The following C1orf216 variants were observed in gnomAD, a reference collection of about 807,000 sequenced individuals.
The protein encoded by C1orf216 is UPF0500 protein C1orf216.
In C1orf216, 18 loss-of-function variants were observed where a neutral mutation model predicts 16.4. That is an observed-to-expected ratio of 1.10 (90% CI 0.76 to 1.63). The LOEUF (loss-of-function observed/expected upper bound fraction) is 1.63. Among genes scored for constraint, C1orf216 ranks in the 40% most tolerant of loss-of-function variants. C1orf216 has a pLI of 0.00. For missense variants in C1orf216, 271 were observed against 297.6 expected (o/e 0.91, Z 0.66); for synonymous variants, 115 against 116.9 (o/e 0.98, Z 0.11).
At chr1:35,716,549 C>G in intron 1 of C1orf216, 1 of 564,598 alleles carries the variant, frequency 1.8e-6, no homozygotes, top group East Asian at 3.0e-5. Context: ...GTCCTCAGAG[C>G]CAGGCTGTCT....
At chr1:35,718,166 T>C (rs1266081519) in intron 1 of C1orf216, among the ~76,000 whole-genome samples, 1 of 152,182 alleles carries the variant, frequency 6.6e-6, no homozygotes, top group African/African-American at 2.4e-5. Flanking sequence ...AATTAGGATT[T>C]GAACTGACAA....
intron 1 of C1orf216, 46 bp downstream of exon 1, chr1:35,718,661 T>A (rs2148603317): frequency 6.6e-6 from 1 of 152,450 alleles, no homozygotes; most frequent in South Asian, 2.1e-4. Flanking sequence ...TTCCCGCGGC[T>A]GAGCCCCAAG....
Position 35,716,330 on chromosome 1 carries a change from T to C in C1orf216, c.-5-4A>G. 6.2e-7 allele frequency: 1 copy of C among 1,604,972 alleles called. No homozygotes were observed. Among genetic ancestry groups the C allele is most frequent in the Non-Finnish European group, 8.5e-7 (1 of 1,175,528 alleles). On this transcript the variant is annotated splice_region_variant and splice_polypyrimidine_tract_variant and intron_variant, in intron 1 of 1. Transcript: ENST00000270815. ...GGCTGGATGGCGAACATCTAGCCTG[T>C]AAAGGGAAAGCAGGAGACCGAGTCA...
Position 35,716,246 on chromosome 1 carries a change from C to A in C1orf216, c.76G>T (p.Glu26Ter). ...GDPPPGLCQP[E>*]LQPDSNSNFM... ...TTGGAGTTGCTGTCTGGTTGGAGCT[C>A]GGGCTGACATAATCCAGGAGGTGGG... Residue 26 changes from glutamate (E) to a stop codon, truncating the protein, a stop_gained, in exon 2 of 2, where the codon GAG (glutamate) becomes TAG (stop). Transcript: ENST00000270815. LOFTEE classifies it high-confidence loss of function. 1 of 1,614,240 alleles carries A rather than the reference C, an allele frequency of 6.2e-7. No individual in the cohort carries two copies. Among genetic ancestry groups the A allele is most frequent in the South Asian group, 1.1e-5 (1 of 91,090 alleles).
chr1:35,716,538 C>T (rs11580984), intron 1 of C1orf216: 431,011 of 578,012 alleles, frequency 0.75, 175,325 homozygotes, highest in Non-Finnish European at 0.87. Flanking sequence ...GTTTTTCCTC[C>T]GTCCTCAGAG....
chr1:35,717,106 C>A (rs1482446566), intron 1 of C1orf216, among the ~76,000 whole-genome samples: 1 of 151,632 alleles, frequency 6.6e-6, no homozygotes, highest in Non-Finnish European at 1.5e-5. Context: ...ATCCTGGGGT[C>A]CTCACTATCC....
rs1256896016 is a variant in C1orf216, at chr1:35,714,483, A to G, written c.*1149T>C. 1 of 152,172 alleles carries G rather than the reference A, an allele frequency of 6.6e-6. No homozygotes were observed. Among genetic ancestry groups the G allele is most frequent in the Non-Finnish European group, 1.5e-5 (1 of 68,050 alleles). The allele number at this position is 152,172 out of a possible 1,614,324, so 9.4% of individuals were successfully genotyped here. A position where few individuals can be genotyped will look rare whatever the true frequency, so the allele number is the denominator to read the frequency against. On this transcript the variant is annotated 3_prime_UTR_variant, in exon 2 of 2. Transcript: ENST00000270815. ...AGGTAGAGGCAGAGACAGGGAAGCG[A>G]TATTTTCCTCATCGGCCTTGGAACA...
chr1:35,718,835 G>A lies in C1orf216; in HGVS notation c.-134C>T, dbSNP rs534059040. On this transcript the variant is annotated 5_prime_UTR_variant, in exon 1 of 2. Coordinates refer to ENST00000270815, the MANE Select transcript of C1orf216 (RefSeq NM_152374.2). ...TCCAGGCGTGGGTGCGGGGCTCCCG[G>A]GCAGCGCGCCCAGCCCCAGTCCCGG... 5.9e-5 allele frequency: 9 copies of A among 152,400 alleles called. No individual in the cohort carries two copies. In the South Asian group the frequency reaches 1.7e-3, roughly 28 times the overall value. The allele number at this position is 152,400 out of a possible 1,614,324, so 9.4% of individuals were successfully genotyped here.
intron 1 of C1orf216, among the ~76,000 whole-genome samples, 164 bp downstream of exon 1, chr1:35,718,543 A>T (rs971720383): frequency 4.6e-5 from 7 of 152,184 alleles, no homozygotes; most frequent in African/African-American, 1.7e-4. Context: ...TCTCCGCCCA[A>T]ACAGGAGGCA....
Position 35,716,220 on chromosome 1 carries a change from G to A in C1orf216, c.102C>T (p.Asn34=). The change falls in exon 2 of 2, where the codon AAC becomes AAT. Residue 34 remains asparagine (N), a synonymous_variant. Transcript: ENST00000270815. ...TAGCATCCTTGGCACTTGCCATGAA[G>A]TTGGAGTTGCTGTCTGGTTGGAGCT... is the stretch of plus-strand genomic sequence containing the variant. ...QPELQPDSNS[N]FMASAKDANE... is the part of the protein sequence containing the mutation. 6.2e-7 allele frequency: 1 copy of A among 1,614,276 alleles called. No individual in the cohort carries two copies. The highest frequency in any genetic ancestry group is 8.5e-7 in the Non-Finnish European group (1 of 1,180,050).
At position 35,716,298 on chromosome 1, in the gene C1orf216, T is replaced by C; in HGVS notation, c.24A>G (p.Leu8=). 1.2e-6 allele frequency: 2 copies of C among 1,613,610 alleles called. No homozygotes were observed. The highest frequency in any genetic ancestry group is 1.7e-6 in the Non-Finnish European group (2 of 1,179,702). MFAIQPG[L]AEGGQFLGDP... is the part of the protein sequence containing the mutation. Reference sequence around the variant, plus strand: ...CCCCCAGGAATTGGCCCCCCTCAGCTAGCCCTGGCTGGATGGCGAACATCT... The same window carrying C: ...CCCCCAGGAATTGGCCCCCCTCAGCCAGCCCTGGCTGGATGGCGAACATCT... The change falls in exon 2 of 2, where the codon CTA becomes CTG. Residue 8 remains leucine, a synonymous_variant. Coordinates refer to ENST00000270815, the MANE Select transcript of C1orf216 (RefSeq NM_152374.2).
At position 35,716,063 on chromosome 1, in the gene C1orf216, C is replaced by G. The variant is rs1381099693; in HGVS notation, c.259G>C (p.Gly87Arg). Residue 87 changes from glycine to arginine, a missense_variant, in exon 2 of 2, where the codon GGG becomes CGG. Physicochemically the swap from Gly to Arg is moderately radical, Grantham distance 125 (BLOSUM62 -2). Around this residue, in one of 3 missense-constraint regions of C1orf216, gnomAD observed 220 missense variants for 227.8 expected, o/e 0.97. Transcript: ENST00000270815. ...PEEGVRSPPE[G>R]AEIPGAEPEK... The stretch of plus-strand genomic sequence containing the variant: ...GGCTCAGCCCCGGGAATCTCTGCCC[C>G]CTCTGGGGGGCTGCGCACCCCTTCC... 1 of 1,614,144 alleles carries G rather than the reference C, an allele frequency of 6.2e-7. No individual in the cohort carries two copies. The highest frequency in any genetic ancestry group is 8.5e-7 in the Non-Finnish European group (1 of 1,180,024).
Position 35,715,732 on chromosome 1 carries a change from C to T in C1orf216, c.590G>A (p.Arg197Gln), listed in dbSNP as rs780045906. The T allele has an allele frequency of 6.8e-6, 11 of 1,614,078 alleles. No homozygotes were observed. Among genetic ancestry groups the T allele is most frequent in the Admixed American group, 5.0e-5 (3 of 60,016 alleles). The part of the protein sequence containing the change: ...LQHQLIDQQA[R>Q]LQESFDTILD... ...GATGGTGTCGAAGCTCTCCTGCAGT[C>T]GGGCCTGCTGGTCAATCAACTGATG... The change falls in exon 2 of 2, where the codon CGA (arginine) becomes CAA (glutamine). Residue 197 changes from arginine to glutamine, a missense_variant. Around this residue, in one of 3 missense-constraint regions of C1orf216, gnomAD observed 220 missense variants for 227.8 expected, o/e 0.97. Coordinates refer to ENST00000270815, the MANE Select transcript of C1orf216 (RefSeq NM_152374.2). The surrounding 1 kb of genome is among the most constrained non-coding windows in gnomAD (Gnocchi z 4.3).
rs1439984899 is a variant in C1orf216, at chr1:35,715,256, A to G, written c.*376T>C. On this transcript the variant is annotated 3_prime_UTR_variant, in exon 2 of 2. Transcript: ENST00000270815. This position sits in a 1 kb window ranked among gnomAD's most constrained non-coding sequence, Gnocchi z 4.3. ...AATACAAGCCTGCACACTCAAACTC[A>G]CTCATAGACACACACATCTTCTGCC... 1 of 265,928 alleles carries G rather than the reference A, an allele frequency of 3.8e-6. No individual in the cohort carries two copies. The highest frequency in any genetic ancestry group is 9.1e-5 in the East Asian group (1 of 10,946). The allele number at this position is 265,928 out of a possible 1,614,324, so 16.5% of individuals were successfully genotyped here. A position where few individuals can be genotyped will look rare whatever the true frequency, so the allele number is the denominator to read the frequency against.
In C1orf216 at chr1:35,715,529, T is replaced by C. The variant is rs922586165; in HGVS notation, c.*103A>G. The C allele has an allele frequency of 1.4e-5, 18 of 1,295,062 alleles. No homozygotes were observed. The highest frequency in any genetic ancestry group is 8.9e-5 in the African/African-American group (6 of 67,116). 80.2% of individuals were successfully genotyped at this position (1,295,062 alleles called of 1,614,324 possible). ...CTACATGTTAGCACATACACACTCATGCCTACCTGCAATCATGCCAGCAAA... is the reference window on the plus strand; with the variant it reads ...CTACATGTTAGCACATACACACTCACGCCTACCTGCAATCATGCCAGCAAA... On this transcript the variant is annotated 3_prime_UTR_variant, in exon 2 of 2. Coordinates refer to ENST00000270815, the MANE Select transcript of C1orf216 (RefSeq NM_152374.2). The surrounding 1 kb of genome is among the most constrained non-coding windows in gnomAD (Gnocchi z 4.3).
At position 35,716,085 on chromosome 1, in the gene C1orf216, T is replaced by C. The variant is rs1640952127; in HGVS notation, c.237A>G (p.Glu79=). Residue 79 remains glutamate (E), a synonymous_variant, in exon 2 of 2, where the codon GAA becomes GAG. Transcript: ENST00000270815. ...CCCCCTCTGGGGGGCTGCGCACCCC[T>C]TCCTCAGGGGATCCAGGGGCCTGGA... The part of the protein sequence containing the change: ...QAFQAPGSPE[E]GVRSPPEGAE... 9 of 1,614,106 alleles carry C rather than the reference T, an allele frequency of 5.6e-6. No homozygotes were observed. Among genetic ancestry groups the C allele is most frequent in the Non-Finnish European group, 7.6e-6 (9 of 1,179,974 alleles).
rs1465396366 is a variant in C1orf216 at position 35,714,620 on chromosome 1, C to G, written c.*1012G>C. 1.3e-5 allele frequency: 2 copies of G among 152,236 alleles called. No homozygotes were observed. The highest frequency in any genetic ancestry group is 4.8e-5 in the African/African-American group (2 of 41,450). 9.4% of individuals were successfully genotyped at this position (152,236 alleles called of 1,614,324 possible). On this transcript the variant is annotated 3_prime_UTR_variant, in exon 2 of 2. Transcript: ENST00000270815. ...AATGGAGAGATGGTTTGTTTGGGAA[C>G]TGGTATTTTAGAATTCCCATTCTCC...
In C1orf216 at chr1:35,714,266, C is replaced by G. The variant is rs1164778987; in HGVS notation, c.*1366G>C. On this transcript the variant is annotated 3_prime_UTR_variant, in exon 2 of 2. Transcript: ENST00000270815. Reference sequence around the variant, plus strand: ...TGTAACTCGCGGAGCCTGCCAATCCCTGTTTGAAGGGCCATGCAGTGAAAG... The same window carrying G: ...TGTAACTCGCGGAGCCTGCCAATCCGTGTTTGAAGGGCCATGCAGTGAAAG... 2.0e-5 allele frequency: 3 copies of G among 152,216 alleles called. No homozygotes were observed. Among genetic ancestry groups the G allele is most frequent in the Non-Finnish European group, 4.4e-5 (3 of 68,066 alleles). The allele number at this position is 152,216 out of a possible 1,614,324, so 9.4% of individuals were successfully genotyped here. A position where few individuals can be genotyped will look rare whatever the true frequency, so the allele number is the denominator to read the frequency against.
chr1:35,717,183 T>C (rs1187388400), intron 1 of C1orf216, among the ~76,000 whole-genome samples: 2 of 152,138 alleles, frequency 1.3e-5, no homozygotes, highest in Non-Finnish European at 2.9e-5. Context: ...ATTTCTGACC[T>C]GGATTATTGC....
Sources: gnomAD v4.1 joint callset for allele counts (sites outside exome capture counted in the v4.1 genomes callset) on GRCh38, gnomAD v4.1.1 for gene constraint, gnomAD v4.1.1 regional missense constraint, Gnocchi (gnomAD v3.1) non-coding constraint, MANE v1.5 for transcripts, NCBI Gene and HGNC (gene_info 2026-07-23, HGNC 2026-07-21) for gene names.